Variants in PTPN13 observed in about 807,000 individuals in gnomAD.
PTPN13 encodes the protein protein tyrosine phosphatase non-receptor type 13.
A neutral mutation model predicts 284.0 loss-of-function variants in PTPN13; 191 were observed. The observed-to-expected ratio is 0.67, with a 90% confidence interval of 0.60 to 0.76. The LOEUF (loss-of-function observed/expected upper bound fraction) is 0.76. PTPN13 is among the 30% of genes least tolerant of loss of function. The pLI, the probability that PTPN13 is intolerant of heterozygous loss-of-function variation, is 0.00. For synonymous variants in PTPN13, 986 were observed against 1,022.3 expected, an observed-to-expected ratio of 0.96 and a Z score of 0.68; for missense variants, 2,797 against 2,939.9, an observed-to-expected ratio of 0.95 and a Z score of 1.12.
chr4:86,618,030 G>A (rs1359370784), intron 1 of PTPN13, among the ~76,000 whole-genome samples: 1 of 151,984 alleles, frequency 6.6e-6, no homozygotes, highest in Admixed American at 6.6e-5. Context: ...TAATACCAAG[G>A]GTTTTCTTCT....
chr4:86,764,187 T>C (rs971298202), intron 24 of PTPN13, among the ~76,000 whole-genome samples: 1 of 152,142 alleles, frequency 6.6e-6, no homozygotes, highest in Non-Finnish European at 1.5e-5. Context: ...ATAAAACTAA[T>C]TTGTAAATTT....
chr4:86,648,353 A>T (rs1378724835), intron 2 of PTPN13, among the ~76,000 whole-genome samples: 1 of 151,988 alleles, frequency 6.6e-6, no homozygotes, highest in African/African-American at 2.4e-5. Flanking sequence ...ATACCCATTA[A>T]CCATCCTCTC....
chr4:86,623,215 G>A (rs1205070636), intron 1 of PTPN13, among the ~76,000 whole-genome samples: 1 of 152,156 alleles, frequency 6.6e-6, no homozygotes, highest in Admixed American at 6.5e-5. Context: ...CAGGTATGCA[G>A]TTCTGATGTC....
At chr4:86,654,441 T>C (rs1449371158) in intron 2 of PTPN13, among the ~76,000 whole-genome samples, 1 of 152,230 alleles carries the variant, frequency 6.6e-6, no homozygotes, top group Non-Finnish European at 1.5e-5. Context: ...TCTGGTATGT[T>C]GTGTCTTTGT....
At chr4:86,702,504 G>A (rs1181588478) in intron 7 of PTPN13, among the ~76,000 whole-genome samples, 1 of 152,122 alleles carries the variant, frequency 6.6e-6, no homozygotes, top group Non-Finnish European at 1.5e-5. Flanking sequence ...ATTAGGTAAT[G>A]AATGTAAAGT....
At chr4:86,603,204 G>T (rs1764460065) in intron 1 of PTPN13, among the ~76,000 whole-genome samples, 1 of 152,120 alleles carries the variant, frequency 6.6e-6, no homozygotes, top group Non-Finnish European at 1.5e-5. Context: ...GGAGTATAAA[G>T]TAAAATGAAT....
intron 40 of PTPN13, among the ~76,000 whole-genome samples, chr4:86,790,960 T>C (rs1036011481): frequency 3.3e-5 from 5 of 152,108 alleles, no homozygotes; most frequent in African/African-American, 9.7e-5. Flanking sequence ...CATTTCCAAC[T>C]GAGGTGCCTG....
chr4:86,682,898 T>G (rs987258309), intron 3 of PTPN13, among the ~76,000 whole-genome samples: 1 of 152,210 alleles, frequency 6.6e-6, no homozygotes, highest in Non-Finnish European at 1.5e-5. Context: ...AATATTTTTC[T>G]AATATTAGGT....
chr4:86,741,271 C>A (rs930307763), intron 15 of PTPN13, among the ~76,000 whole-genome samples: 1 of 152,150 alleles, frequency 6.6e-6, no homozygotes, highest in Admixed American at 6.5e-5. Flanking sequence ...TGAGACAGGG[C>A]AATTTGCAAA....
At chr4:86,725,915 T>C (rs1441160052) in intron 10 of PTPN13, among the ~76,000 whole-genome samples, 2 of 149,820 alleles carry the variant, frequency 1.3e-5, no homozygotes, top group African/African-American at 4.9e-5. Context: ...CTGAATGGTA[T>C]TGCCTAGGTT....
chr4:86,596,793 T>G (rs146338023), intron 1 of PTPN13, among the ~76,000 whole-genome samples: 12 of 152,200 alleles, frequency 7.9e-5, no homozygotes, highest in Non-Finnish European at 1.5e-4. Context: ...GATAAACTAT[T>G]ACTTCTTTTT....
intron 2 of PTPN13, among the ~76,000 whole-genome samples, chr4:86,644,766 A>T (rs1018824333): frequency 6.6e-6 from 1 of 152,210 alleles, no homozygotes; most frequent in Non-Finnish European, 1.5e-5. Flanking sequence ...GATCAAATGG[A>T]TCCTAGGAAT....
Position 86,792,914 on chromosome 4 carries a change from G to A in PTPN13, c.6346-3960G>A, listed in dbSNP as rs112773351. ...CAGCCACTGCAAAAACATACCAAGT[G>A]GTAAAGACTATCGATGCTGTGAAGA... On this transcript the variant is annotated intron_variant, in intron 40 of 47. Transcript: ENST00000411767. 1.3e-3 allele frequency among the ~76,000 whole-genome samples: 195 copies of A among 152,226 alleles called. 2 individuals are homozygous for A. Among genetic ancestry groups the A allele is most frequent in the African/African-American group, 4.5e-3 (185 of 41,530 alleles).
intron 10 of PTPN13, among the ~76,000 whole-genome samples, chr4:86,723,766 A>G (rs1371197575): frequency 2.0e-5 from 3 of 152,206 alleles, no homozygotes; most frequent in Non-Finnish European, 4.4e-5. Context: ...AAGGTGAAGC[A>G]ATATTTCATT....
intron 41 of PTPN13, among the ~76,000 whole-genome samples, chr4:86,798,790 G>T (rs189498469): frequency 2.0e-5 from 3 of 152,216 alleles, no homozygotes; most frequent in East Asian, 3.9e-4. Flanking sequence ...GCTATATGCC[G>T]GTACAATTGT....
chr4:86,806,156 CA>C (rs968115265), intron 44 of PTPN13, among the ~76,000 whole-genome samples: 21 of 121,430 alleles, frequency 1.7e-4, no homozygotes, highest in African/African-American at 2.5e-4. Flanking sequence ...GACTCCATCT[CA>C]AAAAAAAAAT....
intron 2 of PTPN13, among the ~76,000 whole-genome samples, chr4:86,647,042 C>G (rs1196164155): frequency 1.3e-5 from 2 of 152,042 alleles, no homozygotes; most frequent in East Asian, 3.9e-4. Context: ...CAAAGCAGAT[C>G]AGTGGTTGTT....
chr4:86,688,173 G>A (rs561050528), intron 4 of PTPN13, among the ~76,000 whole-genome samples: 4 of 152,128 alleles, frequency 2.6e-5, no homozygotes, highest in Non-Finnish European at 4.4e-5. Context: ...AACACCTAAA[G>A]GATGATATAT....
chr4:86,680,854 G>A (rs1232313723), intron 3 of PTPN13, among the ~76,000 whole-genome samples: 1 of 152,140 alleles, frequency 6.6e-6, no homozygotes, highest in African/African-American at 2.4e-5. Context: ...CTTTCTCCCT[G>A]TTTTCAGGTT....
Sources: allele counts gnomAD v4.1 joint callset (sites outside exome capture counted in the v4.1 genomes callset), GRCh38; gene constraint gnomAD v4.1.1; transcripts MANE v1.5; gene names NCBI Gene and HGNC (gene_info 2026-07-23, HGNC 2026-07-21).